BLACAT1: variants seen among roughly 807,000 people sequenced by gnomAD.
BLACAT1 encodes the protein BLACAT1 overlapping LEMD1 locus.
chr1:205,455,801 A>G (rs1051563358), intron 1 of BLACAT1, 116 bp downstream of exon 1: 1 of 152,258 alleles, frequency 6.6e-6, no homozygotes, highest in Non-Finnish European at 1.5e-5. Context: ...CTCTTCGCCC[A>G]GCCAAGCCCG....
rs1666485543 is a variant in BLACAT1, at chr1:205,450,746, G to A, written c.-37+5171C>T. ...AGCCCCAAGTAAGCTGTGGAAGTAG[G>A]GCATCTCTCTCTAAGGTGTGTCTGG... On this transcript the variant is annotated intron_variant, in intron 1 of 1. Transcript: ENST00000629624. This position sits in a 1 kb window ranked among gnomAD's most constrained non-coding sequence, Gnocchi z 4.4. Among the ~76,000 whole-genome samples, 1 of 152,176 alleles carries A rather than the reference G, an allele frequency of 6.6e-6. No individual in the cohort carries two copies. The highest frequency in any genetic ancestry group is 2.4e-5 in the African/African-American group (1 of 41,446).
intron 1 of BLACAT1, among the ~76,000 whole-genome samples, chr1:205,452,517 C>G (rs543307307): frequency 3.2e-4 from 49 of 152,322 alleles, no homozygotes; most frequent in African/African-American, 1.1e-3. Context: ...GGGTGCACAG[C>G]CACTTCTCAG....
chr1:205,453,094 G>T (rs997564430), intron 1 of BLACAT1, among the ~76,000 whole-genome samples: 4 of 152,122 alleles, frequency 2.6e-5, no homozygotes, highest in Non-Finnish European at 4.4e-5. Flanking sequence ...GGGTGGGAAG[G>T]CACTGCTGAA....
rs537652546 is a variant in BLACAT1 at position 205,441,733 on chromosome 1, T to C, written c.-36-671A>G. On this transcript the variant is annotated intron_variant, in intron 1 of 1. Coordinates refer to ENST00000629624, the Ensembl canonical transcript of BLACAT1. The surrounding 1 kb of genome is among the most constrained non-coding windows in gnomAD (Gnocchi z 4.3). ...GAGGGTTCTTTTAGCCAACAGGCTC[T>C]TTTATTTAGCACCTATGCTGGGCAA... Among the ~76,000 whole-genome samples the C allele has an allele frequency of 5.6e-4, 85 of 152,330 alleles. No homozygotes were observed. Among genetic ancestry groups the C allele is most frequent in the Non-Finnish European group, 8.8e-4 (60 of 68,032 alleles).
rs143017755 is a variant in BLACAT1, at chr1:205,454,145, C to G, written c.-37+1772G>C. On this transcript the variant is annotated intron_variant, in intron 1 of 1. Transcript: ENST00000629624. ...TTATCAAATATGCACCGAGCACAGACAGTGGGATGGGCACCGTGCTAGGCA... is the reference window on the plus strand; with the variant it reads ...TTATCAAATATGCACCGAGCACAGAGAGTGGGATGGGCACCGTGCTAGGCA... Among the ~76,000 whole-genome samples, 9 of 152,310 alleles carry G rather than the reference C, an allele frequency of 5.9e-5. No individual in the cohort carries two copies. In the East Asian group the frequency reaches 9.7e-4, roughly 16 times the overall value.
At position 205,449,418 on chromosome 1, in the gene BLACAT1, C is replaced by G. The variant is rs1438507941; in HGVS notation, c.-37+6499G>C. On this transcript the variant is annotated intron_variant, in intron 1 of 1. Coordinates refer to ENST00000629624, the Ensembl canonical transcript of BLACAT1. ...CCCCCAAGAAGATGGTAAGAGGCCC[C>G]AGGCCCAGATCAGGCCCTGCCTCTG... Among the ~76,000 whole-genome samples, 4 of 152,060 alleles carry G rather than the reference C, an allele frequency of 2.6e-5. No individual in the cohort carries two copies. In the East Asian group the frequency reaches 7.8e-4, roughly 29 times the overall value.
chr1:205,455,867 G>T (rs1037326667), intron 1 of BLACAT1, 50 bp downstream of exon 1: 2 of 152,286 alleles, frequency 1.3e-5, no homozygotes, highest in African/African-American at 4.8e-5. Context: ...CGGCCAAGGG[G>T]TCGCCAACTC....
rs867684412 is a variant in BLACAT1 at position 205,450,764 on chromosome 1, G to A, written c.-37+5153C>T. On this transcript the variant is annotated intron_variant, in intron 1 of 1. Transcript: ENST00000629624. The surrounding 1 kb of genome is among the most constrained non-coding windows in gnomAD (Gnocchi z 4.4). ...GAAGTAGGGCATCTCTCTCTAAGGT[G>A]TGTCTGGGCCAGAGGGACTGGGCTG... 7.9e-5 allele frequency among the ~76,000 whole-genome samples: 12 copies of A among 152,346 alleles called. No homozygotes were observed. In the South Asian group the frequency reaches 2.5e-3, roughly 32 times the overall value.
chr1:205,454,985 G>A (rs896161153), intron 1 of BLACAT1, among the ~76,000 whole-genome samples: 2 of 152,182 alleles, frequency 1.3e-5, no homozygotes, highest in Non-Finnish European at 2.9e-5. Context: ...AATGTTGGTC[G>A]GAAGGGAGGG....
intron 1 of BLACAT1, among the ~76,000 whole-genome samples, chr1:205,453,432 G>A (rs1254859355): frequency 6.6e-6 from 1 of 152,130 alleles, no homozygotes; most frequent in Non-Finnish European, 1.5e-5. Flanking sequence ...GGAGCCCCCA[G>A]CCCCCTGAGG....
chr1:205,455,411 C>G (rs12081836), intron 1 of BLACAT1, among the ~76,000 whole-genome samples: 1 of 152,182 alleles, frequency 6.6e-6, no homozygotes, highest in Non-Finnish European at 1.5e-5. Flanking sequence ...AGGCCCCAAA[C>G]TGGGGTCTCC....
intron 1 of BLACAT1, among the ~76,000 whole-genome samples, chr1:205,453,280 C>T (rs933507815): frequency 5.3e-5 from 8 of 152,162 alleles, no homozygotes. Flanking sequence ...GTCCTCCAGA[C>T]CTGCACTAGA....
downstream of BLACAT1, chr1:205,436,224 C>T (rs1377985151): frequency 6.6e-6 from 1 of 152,166 alleles, no homozygotes; most frequent in African/African-American, 2.4e-5. Context: ...CCCTTGAACT[C>T]CAGACCTGGG....
chr1:205,449,574 G>GCACAGCACAGCACAGCACACAGCA (rs1054768083), intron 1 of BLACAT1, among the ~76,000 whole-genome samples: 3 of 152,160 alleles, frequency 2.0e-5, no homozygotes, highest in African/African-American at 4.8e-5. Context: ...CCCAACAACA[G>GCACAGCACAGCACAGCACACAGCA]CACAGCACAG....
chr1:205,440,556 A>G (rs1205567864), exon 2 of BLACAT1: 3 of 152,264 alleles, frequency 2.0e-5, no homozygotes, highest in Non-Finnish European at 4.4e-5. Context: ...AAGGCGGCAC[A>G]TGCCTCATGC....
chr1:205,452,084 T>C (rs1666505797), intron 1 of BLACAT1, among the ~76,000 whole-genome samples: 1 of 152,142 alleles, frequency 6.6e-6, no homozygotes, highest in African/African-American at 2.4e-5. Flanking sequence ...ACCTCAGGTG[T>C]CCCTGGCCTG....
At chr1:205,436,492 G>A (rs1304508183), downstream of BLACAT1, 1 of 130,694 alleles carries the variant, frequency 7.7e-6, no homozygotes, top group African/African-American at 2.8e-5. Context: ...CCGGCACAGT[G>A]GGCACTGACC....
downstream of BLACAT1, among the ~76,000 whole-genome samples, chr1:205,438,207 G>T (rs1020985306): frequency 6.6e-6 from 1 of 152,158 alleles, no homozygotes; most frequent in African/African-American, 2.4e-5. Context: ...GGGGAAAACT[G>T]GCCCCCTCAC....
downstream of BLACAT1, chr1:205,435,182 T>C (rs1394688175): frequency 1.3e-5 from 2 of 152,208 alleles, no homozygotes; most frequent in South Asian, 2.1e-4. Context: ...CTTGAGGACG[T>C]GAAATGTATC....
Sources: allele counts gnomAD v4.1 joint callset (sites outside exome capture counted in the v4.1 genomes callset), GRCh38; gene constraint gnomAD v4.1.1; non-coding constraint Gnocchi (gnomAD v3.1); transcripts MANE v1.5; gene names NCBI Gene and HGNC (gene_info 2026-07-23, HGNC 2026-07-21).